The following MOXD1 variants were observed in gnomAD, a reference collection of about 807,000 sequenced individuals.
The protein encoded by MOXD1 is DBH-like monooxygenase protein 1.
A neutral mutation model predicts 66.6 loss-of-function variants in MOXD1; 62 were observed. That is an observed-to-expected ratio of 0.93 (90% CI 0.76 to 1.15). The LOEUF (loss-of-function observed/expected upper bound fraction) is 1.15, where lower values mean the gene tolerates loss of function less well. Ranked by LOEUF, MOXD1 falls within the 50% of genes most tolerant of loss-of-function variation. MOXD1 has a pLI of 0.00. For synonymous variants in MOXD1, 303 were observed against 281.9 expected (o/e 1.07, Z -0.75); for missense variants, 847 against 754.6 (o/e 1.12, Z -1.44).
intron 1 of MOXD1, among the ~76,000 whole-genome samples, chr6:132,386,530 G>A: frequency 6.6e-6 from 1 of 151,136 alleles, no homozygotes; most frequent in African/African-American, 2.4e-5. Context: ...CAGAGACCAG[G>A]CAAACTTCTT....
chr6:132,331,202 G>A (rs1044635564), intron 4 of MOXD1, among the ~76,000 whole-genome samples: 1 of 152,142 alleles, frequency 6.6e-6, no homozygotes, highest in African/African-American at 2.4e-5. Context: ...TCCTCCAAGG[G>A]GGACAGGGCA....
intron 10 of MOXD1, among the ~76,000 whole-genome samples, chr6:132,307,930 C>A (rs1009212965): frequency 2.0e-5 from 3 of 151,898 alleles, no homozygotes; most frequent in Non-Finnish European, 4.4e-5. Context: ...GATCTCAAAT[C>A]AACACCTTAA....
At chr6:132,354,702 G>C (rs1775876245) in intron 4 of MOXD1, among the ~76,000 whole-genome samples, 1 of 152,180 alleles carries the variant, frequency 6.6e-6, no homozygotes, top group African/African-American at 2.4e-5. Context: ...GTGGTGGGCG[G>C]GGCCCTAGAA....
At chr6:132,340,902 T>G in intron 4 of MOXD1, among the ~76,000 whole-genome samples, 1 of 152,154 alleles carries the variant, frequency 6.6e-6, no homozygotes, top group East Asian at 1.9e-4. Flanking sequence ...CGCCTCGGCC[T>G]CCCAACGTGC....
intron 1 of MOXD1, among the ~76,000 whole-genome samples, chr6:132,378,467 T>C (rs183738086): frequency 6.6e-6 from 1 of 151,900 alleles, no homozygotes; most frequent in African/African-American, 2.4e-5. Context: ...CTAAAAAATA[T>C]CTACTTTATG....
rs3038136 is a variant in MOXD1, at chr6:132,378,875, C to CTTTTTTTTTTTT, written c.265-4110_265-4099dup. Reference sequence around the variant, plus strand: ...AATGAAAGAGGACAGAACACTTCCTCTTTTTTTTTTTTTTTTTTTTTTTTT... The same window carrying CTTTTTTTTTTTT: ...AATGAAAGAGGACAGAACACTTCCTCTTTTTTTTTTTTTTTTTTTTTTTTTTTTTTTTTTTTT... On this transcript the variant is annotated intron_variant, in intron 1 of 11. Coordinates refer to ENST00000367963, the MANE Select transcript of MOXD1 (RefSeq NM_015529.4). Among the ~76,000 whole-genome samples, 44 of 41,914 alleles carry CTTTTTTTTTTTT rather than the reference C, an allele frequency of 1.0e-3. 17 individuals carry two copies. The highest frequency in any genetic ancestry group is 0.022 in the Middle Eastern group (1 of 46). The allele number at this position is 41,914 out of a possible 152,430, so 27.5% of individuals were successfully genotyped here.
intron 10 of MOXD1, among the ~76,000 whole-genome samples, chr6:132,313,422 T>C (rs959966485): frequency 4.6e-5 from 7 of 152,196 alleles, no homozygotes; most frequent in Non-Finnish European, 1.0e-4. Context: ...ATTTTGCTGT[T>C]TGCAAAAAAA....
intron 4 of MOXD1, among the ~76,000 whole-genome samples, chr6:132,337,473 G>A (rs1334308418): frequency 1.3e-5 from 2 of 152,194 alleles, no homozygotes; most frequent in East Asian, 3.8e-4. Flanking sequence ...TGTTGGGAGA[G>A]AATCACTTCC....
At chr6:132,399,271 G>C (rs1373141566) in intron 1 of MOXD1, among the ~76,000 whole-genome samples, 1 of 152,122 alleles carries the variant, frequency 6.6e-6, no homozygotes. Flanking sequence ...TGTCAGCCAA[G>C]TAAGAAAACG....
intron 1 of MOXD1, among the ~76,000 whole-genome samples, chr6:132,397,278 G>A (rs375114792): frequency 5.9e-5 from 9 of 152,322 alleles, no homozygotes; most frequent in African/African-American, 1.2e-4. Context: ...TTGTCATTGC[G>A]TTAAGCTACT....
chr6:132,302,642 A>G (rs2114527503), intron 10 of MOXD1, among the ~76,000 whole-genome samples: 1 of 152,260 alleles, frequency 6.6e-6, no homozygotes, highest in South Asian at 2.1e-4. Flanking sequence ...CAAATTGTCT[A>G]GAAATTCAGT....
At chr6:132,388,499 C>T (rs990454280) in intron 1 of MOXD1, among the ~76,000 whole-genome samples, 2 of 151,370 alleles carry the variant, frequency 1.3e-5, no homozygotes, top group Non-Finnish European at 3.0e-5. Flanking sequence ...CAGTCATCAA[C>T]TTGCAAATGT....
intron 10 of MOXD1, among the ~76,000 whole-genome samples, chr6:132,307,516 G>T (rs1406343046): frequency 6.6e-6 from 1 of 152,180 alleles, no homozygotes; most frequent in Non-Finnish European, 1.5e-5. Context: ...GGATCAAGTG[G>T]ACCTAGTAGA....
At chr6:132,321,244 A>G (rs1034707034) in intron 8 of MOXD1, among the ~76,000 whole-genome samples, 5 of 148,974 alleles carry the variant, frequency 3.4e-5, no homozygotes, top group African/African-American at 1.3e-4. Flanking sequence ...AGCCGGGGTG[A>G]CAGAGTGAGA....
intron 4 of MOXD1, among the ~76,000 whole-genome samples, chr6:132,335,962 CT>C (rs1222867758): frequency 7.9e-5 from 12 of 152,062 alleles, no homozygotes; most frequent in African/African-American, 2.9e-4. Context: ...GAGAAAGTAC[CT>C]TTCTTGTCTT....
At chr6:132,365,598 T>C (rs916466356) in intron 4 of MOXD1, among the ~76,000 whole-genome samples, 1 of 152,208 alleles carries the variant, frequency 6.6e-6, no homozygotes, top group Non-Finnish European at 1.5e-5. Context: ...AGAAAGCTAA[T>C]TAGTGACAGA....
chr6:132,373,791 C>T (rs768294748), intron 2 of MOXD1, among the ~76,000 whole-genome samples: 6 of 152,114 alleles, frequency 3.9e-5, no homozygotes, highest in Non-Finnish European at 5.9e-5. Flanking sequence ...TAAATAATAA[C>T]GCAAAAGTAT....
chr6:132,301,506 C>T (rs1001679721), intron 10 of MOXD1, among the ~76,000 whole-genome samples: 28 of 151,742 alleles, frequency 1.8e-4, no homozygotes, highest in African/African-American at 6.5e-4. Flanking sequence ...GAAAAATAAT[C>T]TGTGGTTACA....
chr6:132,296,080 T>C lies in MOXD1; in HGVS notation c.*1073A>G, dbSNP rs1774389473. The C allele has an allele frequency of 6.6e-6, 1 of 152,160 alleles. No individual in the cohort carries two copies. The highest frequency in any genetic ancestry group is 2.1e-4 in the South Asian group (1 of 4,834). The allele number at this position is 152,160 out of a possible 1,614,324, so 9.4% of individuals were successfully genotyped here. On this transcript the variant is annotated 3_prime_UTR_variant, in exon 12 of 12. Coordinates refer to ENST00000367963, the MANE Select transcript of MOXD1 (RefSeq NM_015529.4). The stretch of plus-strand genomic sequence containing the variant: ...TGTAATTTCATTTAGTTTATTAATA[T>C]GATCCAAACAGATTTAGCTTAAGAG...
Sources: gnomAD v4.1 joint callset for allele counts (sites outside exome capture counted in the v4.1 genomes callset) on GRCh38, gnomAD v4.1.1 for gene constraint, MANE v1.5 for transcripts, NCBI Gene and HGNC (gene_info 2026-07-23, HGNC 2026-07-21) for gene names.